Variants in LRRC4C observed in about 807,000 individuals in gnomAD.
LRRC4C encodes leucine rich repeat containing 4C, also known as leucine-rich repeat-containing protein 4C.
Under a neutral mutation model 33.6 loss-of-function variants are expected in LRRC4C, and 5 were observed. The ratio of observed to expected loss-of-function variants is 0.15; its 90% CI spans 0.08 to 0.31. LRRC4C has a LOEUF of 0.31. Ranked by LOEUF, LRRC4C falls within the 10% of genes least tolerant of loss-of-function variation. The pLI, the probability that LRRC4C is intolerant of heterozygous loss-of-function variation, is 1.00. For synonymous variants in LRRC4C, 329 were observed against 302.0 expected (o/e 1.09, Z -0.93); for missense variants, 560 against 796.7 (o/e 0.70, Z 3.58).
chr11:41,360,470 A>G (rs1952315176), intron 1 of LRRC4C, among the ~76,000 whole-genome samples: 1 of 152,212 alleles, frequency 6.6e-6, no homozygotes, highest in Admixed American at 6.5e-5. Context: ...ATATTTAAAA[A>G]TCCTACAAAC....
rs1035096973 is a variant in LRRC4C, at chr11:40,547,413, C to T, written c.-270+100729G>A. Among the ~76,000 whole-genome samples the T allele has an allele frequency of 4.6e-5, 7 of 151,940 alleles. No individual in the cohort carries two copies. The South Asian group carries it at 6.2e-4, about 14-fold the overall frequency. ...ATTGCTAAGTGAATCCAGCATGGTA[C>T]GCAAGGGTTACAAGCAGTGAGTTCG... is the stretch of plus-strand genomic sequence containing the variant. On this transcript the variant is annotated intron_variant, in intron 3 of 6. Transcript: ENST00000528697.
intron 3 of LRRC4C, among the ~76,000 whole-genome samples, chr11:40,443,470 T>C (rs1276866477): frequency 6.6e-6 from 1 of 152,194 alleles, no homozygotes; most frequent in Non-Finnish European, 1.5e-5. Flanking sequence ...TTTCTAGTTA[T>C]TTGCATATCA....
intron 3 of LRRC4C, among the ~76,000 whole-genome samples, chr11:40,359,567 T>A (rs1947852603): frequency 6.6e-6 from 1 of 152,192 alleles, no homozygotes; most frequent in Non-Finnish European, 1.5e-5. Context: ...CTATACTATC[T>A]AAGGATCCTT....
At chr11:41,432,003 A>G (rs543544314) in intron 1 of LRRC4C, among the ~76,000 whole-genome samples, 43 of 152,268 alleles carry the variant, frequency 2.8e-4, no homozygotes, top group African/African-American at 1.0e-3. Context: ...TAGAGGGGCC[A>G]TTGGCCATGT....
At chr11:40,818,711 C>T (rs572718715) in intron 2 of LRRC4C, among the ~76,000 whole-genome samples, 17 of 152,068 alleles carry the variant, frequency 1.1e-4, no homozygotes, top group African/African-American at 4.1e-4. Flanking sequence ...TGAAATACTA[C>T]TCAAAAACCT....
intron 5 of LRRC4C, among the ~76,000 whole-genome samples, chr11:40,236,964 A>G (rs1865607036): frequency 6.6e-6 from 1 of 152,220 alleles, no homozygotes; most frequent in Non-Finnish European, 1.5e-5. Flanking sequence ...TGAGAACACC[A>G]TTTACTAGTA....
At chr11:41,202,787 G>A (rs1274221533) in intron 1 of LRRC4C, among the ~76,000 whole-genome samples, 1 of 141,814 alleles carries the variant, frequency 7.1e-6, no homozygotes, top group Non-Finnish European at 1.5e-5. Context: ...TTTGAAAACC[G>A]ATTTTTTTTT....
chr11:40,781,440 G>C (rs1279057578), intron 2 of LRRC4C, among the ~76,000 whole-genome samples: 1 of 152,066 alleles, frequency 6.6e-6, no homozygotes, highest in East Asian at 1.9e-4. Flanking sequence ...CTTTAGGATT[G>C]CCTGCTATAG....
intron 5 of LRRC4C, among the ~76,000 whole-genome samples, chr11:40,231,228 C>T (rs751966381): frequency 7.9e-5 from 12 of 152,074 alleles, no homozygotes; most frequent in Admixed American, 6.6e-4. Context: ...AAAAAACAAA[C>T]GAACTTCACG....
chr11:40,832,600 T>C (rs1470859279), intron 2 of LRRC4C, among the ~76,000 whole-genome samples: 1 of 152,072 alleles, frequency 6.6e-6, no homozygotes, highest in African/African-American at 2.4e-5. Flanking sequence ...CTGCCACAAA[T>C]GGCAAGCAAA....
In LRRC4C at chr11:41,363,036, G is replaced by C. The variant is rs76890843; in HGVS notation, c.-496+96395C>G. ...GGAGCCATTATTCATGCTACCCCAG[G>C]TGAGGAAGTGGATGTCTTCCTTACA... On this transcript the variant is annotated intron_variant, in intron 1 of 6. Coordinates refer to ENST00000528697, the MANE Select transcript of LRRC4C (RefSeq NM_001258419.2). Among the ~76,000 whole-genome samples, 1,243 of 152,248 alleles carry C rather than the reference G, an allele frequency of 8.2e-3. 22 individuals are homozygous for C. Among genetic ancestry groups the C allele is most frequent in the African/African-American group, 0.028 (1,176 of 41,530 alleles).
At chr11:40,790,707 T>C (rs1348607207) in intron 2 of LRRC4C, among the ~76,000 whole-genome samples, 1 of 152,210 alleles carries the variant, frequency 6.6e-6, no homozygotes, top group Non-Finnish European at 1.5e-5. Flanking sequence ...ATCCTATGTG[T>C]TTGAATCCCA....
chr11:40,160,648 A>T (rs556340409), intron 5 of LRRC4C, among the ~76,000 whole-genome samples: 6 of 152,304 alleles, frequency 3.9e-5, no homozygotes, highest in Non-Finnish European at 5.9e-5. Flanking sequence ...TCATCAAGGC[A>T]AATTTATAGA....
intron 1 of LRRC4C, among the ~76,000 whole-genome samples, chr11:41,149,078 G>A (rs902962339): frequency 2.0e-5 from 3 of 152,140 alleles, no homozygotes; most frequent in African/African-American, 7.2e-5. Context: ...GCTTGCTGGT[G>A]AGCAGAATTT....
Position 40,485,375 on chromosome 11 carries a change from C to T in LRRC4C, c.-270+162767G>A, listed in dbSNP as rs193189883. Among the ~76,000 whole-genome samples, 701 of 151,824 alleles carry T rather than the reference C, an allele frequency of 4.6e-3. 7 individuals carry two copies. The highest frequency in any genetic ancestry group is 0.016 in the African/African-American group (679 of 41,434). ...TCTCACATGCGCGCTCTCTCTCTCT[C>T]CCTCCCTCTTTCATATATTAGAGTT... On this transcript the variant is annotated intron_variant, in intron 3 of 6. Transcript: ENST00000528697.
intron 1 of LRRC4C, among the ~76,000 whole-genome samples, chr11:41,371,997 C>T (rs779763293): frequency 1.1e-4 from 16 of 152,222 alleles, no homozygotes; most frequent in Admixed American, 8.5e-4. Context: ...ATTAGCCAGG[C>T]GTAGTGGCTG....
At position 40,114,855 on chromosome 11, in the gene LRRC4C, G is replaced by A. The variant is rs1855301305; in HGVS notation, c.1438C>T (p.Pro480Ser). The A allele has an allele frequency of 3.1e-6, 5 of 1,614,046 alleles. No homozygotes were observed. Among genetic ancestry groups the A allele is most frequent in the African/African-American group, 2.7e-5 (2 of 74,926 alleles). Residue 480 changes from proline to serine, a missense_variant, in exon 7 of 7, where the codon CCA (proline) becomes TCA (serine). Physicochemically the swap from Pro to Ser is moderately conservative, Grantham distance 74 (BLOSUM62 -1). Around this residue, in one of 3 missense-constraint regions of LRRC4C, gnomAD observed 455 missense variants for 643.8 expected, o/e 0.71. Coordinates refer to ENST00000528697, the MANE Select transcript of LRRC4C (RefSeq NM_001258419.2). The part of the protein sequence containing the change: ...RTTDNNVGPT[P>S]VVDWETTNVT... ...TTGGTGGTCTCCCAGTCGACCACTG[G>A]AGTGGGACCCACATTGTTATCTGTG...
intron 4 of LRRC4C, among the ~76,000 whole-genome samples, chr11:40,255,793 G>A (rs555104533): frequency 6.6e-6 from 1 of 152,186 alleles, no homozygotes; most frequent in South Asian, 2.1e-4. Context: ...AAATATTTTG[G>A]TATAAAACCT....
intron 5 of LRRC4C, among the ~76,000 whole-genome samples, chr11:40,162,081 G>A (rs1012624362): frequency 6.6e-6 from 1 of 151,936 alleles, no homozygotes; most frequent in Non-Finnish European, 1.5e-5. Context: ...AGCAGGCAGT[G>A]GGTTGTATTC....
Sources: gnomAD v4.1 joint callset for allele counts (sites outside exome capture counted in the v4.1 genomes callset) on GRCh38, gnomAD v4.1.1 for gene constraint, gnomAD v4.1.1 regional missense constraint, MANE v1.5 for transcripts, NCBI Gene and HGNC (gene_info 2026-07-23, HGNC 2026-07-21) for gene names.